The following FCRL2 variants were observed in gnomAD, a reference collection of about 807,000 sequenced individuals.
FCRL2 encodes the protein Fc receptor like 2.
A neutral mutation model predicts 59.8 loss-of-function variants in FCRL2; 48 were observed. The observed-to-expected ratio is 0.80, with a 90% CI of 0.64 to 1.02. The LOEUF (loss-of-function observed/expected upper bound fraction) is 1.02, where lower values mean the gene tolerates loss of function less well. Ranked by LOEUF, FCRL2 falls within the 50% of genes least tolerant of loss-of-function variation. The pLI is 0.00. For missense variants in FCRL2, 658 were observed against 597.3 expected, an observed-to-expected ratio of 1.10 and a Z score of -1.06; for synonymous variants, 251 against 229.5, an observed-to-expected ratio of 1.09 and a Z score of -0.85.
At chr1:157,748,853 C>T (rs781680053) in intron 9 of FCRL2, 22 bp downstream of exon 9, 1 of 1,608,676 alleles carries the variant, frequency 6.2e-7, no homozygotes, top group East Asian at 2.2e-5. Context: ...GCCTCAGAGC[C>T]CTTCCCAGTG....
rs1187694309 is a variant in FCRL2 at position 157,748,897 on chromosome 1, C to T, written c.1371G>A (p.Glu457=). Residue 457 remains glutamate (E), a synonymous_variant, in exon 9 of 12, where the codon GAG becomes GAA. Coordinates refer to ENST00000361516, the MANE Select transcript of FCRL2 (RefSeq NM_030764.4). The stretch of plus-strand genomic sequence containing the variant: ...CACCATTGACATACACTGGCTGCAG[C>T]TCCTCCATGTCTGGGGTTGGGCTTG... ...TYSSPTPDME[E]LQPVYVNVGS... is the part of the protein sequence containing the mutation. 6.2e-7 allele frequency: 1 copy of T among 1,613,886 alleles called. No individual in the cohort carries two copies.
At chr1:157,776,351 C>T (rs779882527) in intron 1 of FCRL2, among the ~76,000 whole-genome samples, 4 of 152,184 alleles carry the variant, frequency 2.6e-5, no homozygotes, top group Non-Finnish European at 5.9e-5. Context: ...CTCACCACAA[C>T]CTCCACCTCC....
intron 8 of FCRL2, 109 bp downstream of exon 8, chr1:157,749,541 T>C (rs1207040474): frequency 5.4e-6 from 4 of 742,190 alleles, no homozygotes; most frequent in African/African-American, 5.2e-5. Context: ...AAAGATACCA[T>C]GTTAATTACA....
In FCRL2 at chr1:157,768,488, G is replaced by T; in HGVS notation, c.809C>A (p.Ala270Asp). The T allele has an allele frequency of 1.9e-6, 3 of 1,614,190 alleles. No individual in the cohort carries two copies. The highest frequency in any genetic ancestry group is 2.5e-6 in the Non-Finnish European group (3 of 1,180,030). ...LEIPAVKESD[A>D]GKYYCRADNG... Reference sequence around the variant, plus strand: ...GTCAGCTCTACAGTAATATTTGCCGGCATCACTCTCTTTCACAGCTGGGAT... The same window carrying T: ...GTCAGCTCTACAGTAATATTTGCCGTCATCACTCTCTTTCACAGCTGGGAT... The change falls in exon 5 of 12, where the codon GCC (alanine) becomes GAC (aspartate). Residue 270 changes from alanine (A) to aspartate (D), a missense_variant. Physicochemically the swap from Ala to Asp is moderately radical, Grantham distance 126. Coordinates refer to ENST00000361516, the MANE Select transcript of FCRL2 (RefSeq NM_030764.4).
chr1:157,768,654 G>T lies in FCRL2; in HGVS notation c.643C>A (p.Gln215Lys), dbSNP rs751078471. The T allele has an allele frequency of 6.2e-7, 1 of 1,614,034 alleles. No individual in the cohort carries two copies. The highest frequency in any genetic ancestry group is 1.1e-5 in the South Asian group (1 of 91,068). ...VSLEIRAPGG[Q>K]VTEGQKLILL... ...ATCAGTTTTTGTCCTTCAGTCACCTGTCCCCCGGGGGCCCGGATCTCCAAG... is the reference window on the plus strand; with the variant it reads ...ATCAGTTTTTGTCCTTCAGTCACCTTTCCCCCGGGGGCCCGGATCTCCAAG... The change falls in exon 5 of 12, where the codon CAG (glutamine) becomes AAG (lysine). Residue 215 changes from glutamine to lysine, a missense_variant. Coordinates refer to ENST00000361516, the MANE Select transcript of FCRL2 (RefSeq NM_030764.4).
chr1:157,753,088 TAG>T (rs1274783136), intron 7 of FCRL2, among the ~76,000 whole-genome samples: 1 of 152,166 alleles, frequency 6.6e-6, no homozygotes, highest in Non-Finnish European at 1.5e-5. Flanking sequence ...GCATCAAAGT[TAG>T]ATCTGAATAG....
At chr1:157,759,186 A>G (rs1423901473) in intron 7 of FCRL2, among the ~76,000 whole-genome samples, 1 of 152,080 alleles carries the variant, frequency 6.6e-6, no homozygotes, top group African/African-American at 2.4e-5. Flanking sequence ...CTACCCTGTG[A>G]AGAAGGACAT....
intron 2 of FCRL2, among the ~76,000 whole-genome samples, chr1:157,771,446 C>T (rs960474577): frequency 6.6e-6 from 1 of 152,164 alleles, no homozygotes; most frequent in Non-Finnish European, 1.5e-5. Context: ...GGGAATATGC[C>T]TGTTACTGGA....
At chr1:157,769,119 A>T (rs1649769165) in intron 4 of FCRL2, 1 of 158,006 alleles carries the variant, frequency 6.3e-6, no homozygotes, top group Admixed American at 6.2e-5. Context: ...ACCAAATACA[A>T]CTTCTCCTCT....
rs186449103 is a variant in FCRL2, at chr1:157,764,155, G to A, written c.1279+2700C>T. The stretch of plus-strand genomic sequence containing the variant: ...GGAGGTGGAGGTTGCAGTGAGCAGA[G>A]ATTGCGCCACCGCACTCCAGCCTGG... On this transcript the variant is annotated intron_variant, in intron 7 of 11. Coordinates refer to ENST00000361516, the MANE Select transcript of FCRL2 (RefSeq NM_030764.4). 2.2e-3 allele frequency among the ~76,000 whole-genome samples: 333 copies of A among 151,538 alleles called. 1 individual carries two copies. Among genetic ancestry groups the A allele is most frequent in the African/African-American group, 7.8e-3 (321 of 41,244 alleles).
chr1:157,749,659 T>C lies in FCRL2; in HGVS notation c.1298A>G (p.Asn433Ser). ...TAGGAAGAGTTCTCACCTGGGTTCATTAGTGGCAGAACTTTCTCCTGAAAT... is the reference window on the plus strand; with the variant it reads ...TAGGAAGAGTTCTCACCTGGGTTCACTAGTGGCAGAACTTTCTCCTGAAAT... ...HKISGESSAT[N>S]EPRGASRPNP... Residue 433 changes from asparagine (N) to serine (S), a missense_variant, in exon 8 of 12, where the codon AAT becomes AGT. Physicochemically the swap from Asn to Ser is conservative, Grantham distance 46. Transcript: ENST00000361516. 6.2e-7 allele frequency: 1 copy of C among 1,608,818 alleles called. No individual in the cohort carries two copies. Among genetic ancestry groups the C allele is most frequent in the East Asian group, 2.2e-5 (1 of 44,786 alleles).
At chr1:157,769,645 T>A in intron 4 of FCRL2, 1 of 459,826 alleles carries the variant, frequency 2.2e-6, no homozygotes, top group Non-Finnish European at 4.0e-6. Flanking sequence ...GCCAGGATGG[T>A]CTCTATCTCC....
chr1:157,767,088 G>A, intron 6 of FCRL2, 117 bp from the exon 7 acceptor site: 1 of 1,292,542 alleles, frequency 7.7e-7, no homozygotes, highest in Non-Finnish European at 1.1e-6. Flanking sequence ...AGTGTAGTCT[G>A]TACTCTTCAG....
At position 157,755,313 on chromosome 1, in the gene FCRL2, C is replaced by T. The variant is rs543615066; in HGVS notation, c.1280-5636G>A. ...TAAACAGAAACATAAATCAAAACTA[C>T]AGGGCAGTAATGTTTCTCAATTGAG... On this transcript the variant is annotated intron_variant, in intron 7 of 11. Transcript: ENST00000361516. Among the ~76,000 whole-genome samples the T allele has an allele frequency of 3.5e-4, 54 of 152,170 alleles. 1 individual carries two copies. The Middle Eastern group carries it at 0.024, about 67-fold the overall frequency.
intron 5 of FCRL2, chr1:157,768,191 C>A: frequency 1.9e-6 from 1 of 521,788 alleles, no homozygotes; most frequent in Non-Finnish European, 3.4e-6. Flanking sequence ...CGTAGGATTG[C>A]AAGAATGCTT....
At chr1:157,757,529 CT>C (rs1181239558) in intron 7 of FCRL2, among the ~76,000 whole-genome samples, 1 of 152,150 alleles carries the variant, frequency 6.6e-6, no homozygotes, top group Non-Finnish European at 1.5e-5. Context: ...CTCTTTCTCT[CT>C]GCATGTACAC....
chr1:157,760,510 C>A (rs982872670), intron 7 of FCRL2, among the ~76,000 whole-genome samples: 1 of 151,732 alleles, frequency 6.6e-6, no homozygotes, highest in African/African-American at 2.4e-5. Flanking sequence ...CACCTGTAAT[C>A]TCAGCTACCC....
chr1:157,748,491 C>A lies in FCRL2; in HGVS notation c.1459+62G>T, dbSNP rs550486762. The stretch of plus-strand genomic sequence containing the variant: ...AAATAAATAAATAAAGCCTCTATTG[C>A]AAACAATGCATCACTTTCCTGTGAA... On this transcript the variant is annotated intron_variant, in intron 10 of 11. Transcript: ENST00000361516. The A allele has an allele frequency of 4.1e-4, 401 of 973,360 alleles. 2 individuals carry two copies. In the African/African-American group the frequency reaches 6.0e-3, roughly 15 times the overall value. 60.3% of individuals were successfully genotyped at this position (973,360 alleles called of 1,614,324 possible).
At chr1:157,747,169 C>T (rs1647811762) in intron 10 of FCRL2, among the ~76,000 whole-genome samples, 1 of 152,178 alleles carries the variant, frequency 6.6e-6, no homozygotes, top group African/African-American at 2.4e-5. Context: ...ATTTTTTCCT[C>T]TTGACTTCTC....
Sources: gnomAD v4.1 joint callset for allele counts (sites outside exome capture counted in the v4.1 genomes callset) on GRCh38, gnomAD v4.1.1 for gene constraint, MANE v1.5 for transcripts, NCBI Gene and HGNC (gene_info 2026-07-23, HGNC 2026-07-21) for gene names.